SPAG16: variants seen among roughly 807,000 people sequenced by gnomAD.
The protein encoded by SPAG16 is sperm associated antigen 16, also known as sperm-associated antigen 16 protein.
In SPAG16, 86 loss-of-function variants were observed where a neutral mutation model predicts 80.4. That is an observed-to-expected ratio of 1.07 (90% CI 0.90 to 1.28). SPAG16 has a LOEUF of 1.28. Ranked by LOEUF, SPAG16 falls within the 50% of genes most tolerant of loss-of-function variation. The probability of loss-of-function intolerance (pLI) is 0.00; values close to 1 mark genes in which losing one functional copy is unlikely to be tolerated. For missense variants in SPAG16, 870 were observed against 765.3 expected (o/e 1.14, Z -1.61); for synonymous variants, 294 against 265.9 (o/e 1.11, Z -1.03).
intron 11 of SPAG16, among the ~76,000 whole-genome samples, chr2:213,891,423 T>A (rs1559557335): frequency 6.6e-6 from 1 of 152,116 alleles, no homozygotes; most frequent in Non-Finnish European, 1.5e-5. Flanking sequence ...TAGGCAGAGC[T>A]GTAGATACAA....
intron 15 of SPAG16, among the ~76,000 whole-genome samples, chr2:214,330,070 C>A (rs1481311420): frequency 1.3e-5 from 2 of 149,362 alleles, no homozygotes; most frequent in African/African-American, 5.0e-5. Context: ...AGTTCAAGAC[C>A]AACCTGGCCA....
At chr2:213,823,499 T>G (rs962925886) in intron 10 of SPAG16, among the ~76,000 whole-genome samples, 2 of 152,120 alleles carry the variant, frequency 1.3e-5, no homozygotes, top group African/African-American at 4.8e-5. Context: ...TAGCTGGGAT[T>G]CCAGGCATGT....
At chr2:213,441,707 C>T (rs1351493754) in intron 9 of SPAG16, among the ~76,000 whole-genome samples, 8 of 152,210 alleles carry the variant, frequency 5.3e-5, no homozygotes, top group African/African-American at 1.9e-4. Context: ...TGTTTGAAGA[C>T]GACATGATTA....
At chr2:213,817,690 C>T (rs2072643559) in intron 10 of SPAG16, among the ~76,000 whole-genome samples, 1 of 151,966 alleles carries the variant, frequency 6.6e-6, no homozygotes, top group African/African-American at 2.4e-5. Context: ...CAACTGGAGG[C>T]CATTATTCCA....
At chr2:214,337,501 T>A (rs1697381048) in intron 15 of SPAG16, among the ~76,000 whole-genome samples, 1 of 152,220 alleles carries the variant, frequency 6.6e-6, no homozygotes, top group Admixed American at 6.5e-5. Context: ...TCATATCCAT[T>A]TATATTTCAA....
At chr2:213,438,754 C>G (rs1213245617) in intron 9 of SPAG16, among the ~76,000 whole-genome samples, 1 of 152,090 alleles carries the variant, frequency 6.6e-6, no homozygotes, top group Admixed American at 6.5e-5. Flanking sequence ...AATTAGTACC[C>G]CCAATCAACT....
At chr2:213,739,686 C>G (rs532343779) in intron 10 of SPAG16, among the ~76,000 whole-genome samples, 1 of 152,178 alleles carries the variant, frequency 6.6e-6, no homozygotes, top group Admixed American at 6.5e-5. Context: ...ACTGCAACCT[C>G]TCCCTCCCAG....
At chr2:214,022,952 C>A (rs1055698993) in intron 13 of SPAG16, among the ~76,000 whole-genome samples, 3 of 152,000 alleles carry the variant, frequency 2.0e-5, no homozygotes, top group Non-Finnish European at 2.9e-5. Flanking sequence ...AATGACATAG[C>A]CTTCCTTCTT....
chr2:213,609,495 G>A (rs144956620), intron 10 of SPAG16, among the ~76,000 whole-genome samples: 2 of 152,112 alleles, frequency 1.3e-5, no homozygotes, highest in Non-Finnish European at 1.5e-5. Flanking sequence ...TGGATGCTAA[G>A]TTGGTTTTCT....
intron 14 of SPAG16, 150 bp downstream of exon 14, chr2:214,108,411 G>T: frequency 4.6e-6 from 2 of 430,250 alleles, no homozygotes; most frequent in Non-Finnish European, 4.2e-6. Context: ...AAAGTCTATA[G>T]GTATATAGGG....
chr2:213,388,994 A>G (rs1201198391), intron 9 of SPAG16, among the ~76,000 whole-genome samples: 1 of 152,208 alleles, frequency 6.6e-6, no homozygotes, highest in African/African-American at 2.4e-5. Context: ...AACTTGGAAG[A>G]CTCATACTTT....
At chr2:213,760,358 A>G (rs2068588636) in intron 10 of SPAG16, among the ~76,000 whole-genome samples, 1 of 152,194 alleles carries the variant, frequency 6.6e-6, no homozygotes, top group Non-Finnish European at 1.5e-5. Flanking sequence ...AAAAGGTTTA[A>G]TACAGTAAGA....
At chr2:213,920,780 G>A (rs1047956719) in intron 11 of SPAG16, among the ~76,000 whole-genome samples, 3 of 152,200 alleles carry the variant, frequency 2.0e-5, no homozygotes, top group African/African-American at 7.2e-5. Flanking sequence ...TCCTGTGGTA[G>A]CATGTCGAGC....
At chr2:214,377,963 G>C (rs1700229158) in intron 15 of SPAG16, among the ~76,000 whole-genome samples, 1 of 152,186 alleles carries the variant, frequency 6.6e-6, no homozygotes, top group Non-Finnish European at 1.5e-5. Flanking sequence ...GATTATCCAG[G>C]TTGGTCCAAT....
At chr2:214,176,981 T>C (rs1325450345) in intron 15 of SPAG16, among the ~76,000 whole-genome samples, 1 of 151,242 alleles carries the variant, frequency 6.6e-6, no homozygotes, top group Non-Finnish European at 1.5e-5. Flanking sequence ...GTGGTATATC[T>C]ATATTCAGTT....
intron 13 of SPAG16, among the ~76,000 whole-genome samples, chr2:214,098,866 T>C (rs1378323007): frequency 7.2e-5 from 11 of 151,996 alleles, no homozygotes; most frequent in African/African-American, 4.8e-5. Flanking sequence ...GAGGCAGGAG[T>C]TGGTTGAAGT....
chr2:213,561,589 C>A (rs1276697558), intron 10 of SPAG16, among the ~76,000 whole-genome samples: 1 of 152,114 alleles, frequency 6.6e-6, no homozygotes, highest in Non-Finnish European at 1.5e-5. Context: ...TAATTCTTTA[C>A]CTCTAGCAAA....
chr2:214,102,214 C>T (rs533022839), intron 13 of SPAG16, among the ~76,000 whole-genome samples: 1 of 150,596 alleles, frequency 6.6e-6, no homozygotes, highest in Non-Finnish European at 1.5e-5. Context: ...TGTCTTAGGC[C>T]TTGGGGATGA....
intron 9 of SPAG16, among the ~76,000 whole-genome samples, chr2:213,408,515 T>A: frequency 6.6e-6 from 1 of 152,218 alleles, no homozygotes; most frequent in East Asian, 1.9e-4. Flanking sequence ...GCTATTCTGT[T>A]AGAAAAAGAT....
Sources: allele counts gnomAD v4.1 joint callset (sites outside exome capture counted in the v4.1 genomes callset), GRCh38; gene constraint gnomAD v4.1.1; transcripts MANE v1.5; gene names NCBI Gene and HGNC (gene_info 2026-07-23, HGNC 2026-07-21).